EYA3: variants seen among roughly 807,000 people sequenced by gnomAD.
EYA3 encodes protein phosphatase EYA3.
EYA3 carries 39 observed loss-of-function variants against 80.0 expected under a neutral mutation model. The observed-to-expected ratio is 0.49, with a 90% CI of 0.38 to 0.64. The LOEUF is 0.64. EYA3 is among the 30% of genes least tolerant of loss of function. The pLI is 0.00. For synonymous variants in EYA3, 206 were observed against 232.8 expected (o/e 0.88, Z 1.05); for missense variants, 523 against 676.1 (o/e 0.77, Z 2.51).
At chr1:28,041,308 G>A (rs1643763386) in intron 4 of EYA3, among the ~76,000 whole-genome samples, 1 of 152,172 alleles carries the variant, frequency 6.6e-6, no homozygotes, top group South Asian at 2.1e-4. Context: ...AGGTTGCAGT[G>A]AGCGGAGATC....
chr1:28,058,341 T>C (rs1644503720), intron 1 of EYA3, among the ~76,000 whole-genome samples: 1 of 152,228 alleles, frequency 6.6e-6, no homozygotes, highest in African/African-American at 2.4e-5. Flanking sequence ...CTGGTTACTA[T>C]GGTGCCTAAT....
intron 1 of EYA3, among the ~76,000 whole-genome samples, chr1:28,077,840 T>C (rs1645277932): frequency 6.6e-6 from 1 of 152,186 alleles, no homozygotes; most frequent in Non-Finnish European, 1.5e-5. Context: ...CCCTATGTCA[T>C]CAATTCTCTA....
At chr1:28,028,008 G>T in intron 6 of EYA3, 82 bp from the exon 7 acceptor site, 2 of 1,470,118 alleles carry the variant, frequency 1.4e-6, no homozygotes, top group Non-Finnish European at 1.9e-6. Flanking sequence ...TCAGCCAGTA[G>T]GTTTAAAATC....
intron 8 of EYA3, among the ~76,000 whole-genome samples, chr1:28,016,567 T>G (rs1352583460): frequency 1.5e-5 from 2 of 134,556 alleles, no homozygotes; most frequent in African/African-American, 2.8e-5. Context: ...ACCAGTATAA[T>G]AACCAGAATA....
At chr1:28,041,853 G>A (rs1001041918) in intron 4 of EYA3, among the ~76,000 whole-genome samples, 4 of 152,050 alleles carry the variant, frequency 2.6e-5, no homozygotes, top group Non-Finnish European at 5.9e-5. Context: ...TTTGGAAGGA[G>A]CAAGAATACT....
At chr1:28,053,863 G>A (rs915498575) in intron 2 of EYA3, among the ~76,000 whole-genome samples, 1 of 152,184 alleles carries the variant, frequency 6.6e-6, no homozygotes, top group Non-Finnish European at 1.5e-5. Context: ...ATTGTATTAA[G>A]CATCTCAAAT....
At chr1:28,033,861 T>C (rs189032090) in intron 6 of EYA3, among the ~76,000 whole-genome samples, 28 of 151,242 alleles carry the variant, frequency 1.9e-4, no homozygotes, top group Non-Finnish European at 3.1e-4. Context: ...GGTTTCACCA[T>C]GTTGGCTAGG....
intron 1 of EYA3, among the ~76,000 whole-genome samples, chr1:28,065,098 T>C (rs1451944919): frequency 6.6e-6 from 1 of 152,214 alleles, no homozygotes; most frequent in African/African-American, 2.4e-5. Flanking sequence ...CCACAGATGG[T>C]ACCCATATAG....
At chr1:28,040,287 C>G (rs540219967) in intron 4 of EYA3, among the ~76,000 whole-genome samples, 1 of 152,192 alleles carries the variant, frequency 6.6e-6, no homozygotes, top group East Asian at 1.9e-4. Context: ...AACAACTAGA[C>G]GGAGAGTGAT....
At chr1:27,988,703 T>C in intron 15 of EYA3, 47 bp from the exon 16 acceptor site, 1 of 1,598,328 alleles carries the variant, frequency 6.3e-7, no homozygotes, top group Non-Finnish European at 8.5e-7. Flanking sequence ...TAAACCAACC[T>C]GGGAGCAAGA....
intron 11 of EYA3, among the ~76,000 whole-genome samples, chr1:28,003,139 A>G (rs1641006067): frequency 6.7e-6 from 1 of 150,302 alleles, no homozygotes; most frequent in Non-Finnish European, 1.5e-5. Context: ...GCGTGGTGGC[A>G]GGCGCCTGTA....
At chr1:28,010,608 C>T (rs1046339013) in intron 10 of EYA3, among the ~76,000 whole-genome samples, 3 of 151,992 alleles carry the variant, frequency 2.0e-5, no homozygotes, top group Admixed American at 1.3e-4. Context: ...TGGTCTCAAG[C>T]GATCCTCCCG....
chr1:28,010,946 C>G lies in EYA3; in HGVS notation c.909+1G>C. ...GTAACTAAATCAGTTTCTTCTCATA[C>G]TTCTAATTCACTGTCTTGGGAAGAA... is the stretch of plus-strand genomic sequence containing the variant. On this transcript the variant is annotated splice_donor_variant, in intron 10 of 17. Transcript: ENST00000373871. LOFTEE classifies it high-confidence loss of function. 6.2e-7 allele frequency: 1 copy of G among 1,611,716 alleles called. No homozygotes were observed. The highest frequency in any genetic ancestry group is 8.5e-7 in the Non-Finnish European group (1 of 1,179,254).
At chr1:28,079,147 T>C (rs1234042688) in intron 1 of EYA3, among the ~76,000 whole-genome samples, 2 of 152,210 alleles carry the variant, frequency 1.3e-5, no homozygotes, top group Non-Finnish European at 1.5e-5. Flanking sequence ...GCCTGGCACA[T>C]AGTAAGTGCT....
intron 5 of EYA3, among the ~76,000 whole-genome samples, chr1:28,038,292 G>T (rs754372518): frequency 7.2e-5 from 11 of 151,978 alleles, no homozygotes; most frequent in African/African-American, 2.4e-4. Flanking sequence ...ACAAAAATTA[G>T]CTGGGCGTGG....
intron 6 of EYA3, among the ~76,000 whole-genome samples, chr1:28,028,490 G>GAA (rs1032193699): frequency 1.3e-5 from 2 of 149,668 alleles, no homozygotes; most frequent in African/African-American, 4.9e-5. Context: ...ACATAATTTA[G>GAA]AAAAAAAATA....
chr1:27,997,453 G>T (rs1397827201), intron 12 of EYA3, 75 bp from the exon 13 acceptor site: 1 of 1,270,162 alleles, frequency 7.9e-7, no homozygotes, highest in Non-Finnish European at 1.2e-6. Context: ...ACTATAAAAA[G>T]ACCATATACA....
rs149347571 is a variant in EYA3 at position 28,081,434 on chromosome 1, G to A, written c.-69+7090C>T. Among the ~76,000 whole-genome samples, 1,046 of 152,110 alleles carry A rather than the reference G, an allele frequency of 6.9e-3. 5 individuals carry two copies. The highest frequency in any genetic ancestry group is 0.01 in the Non-Finnish European group (713 of 67,998). ...ATTATCACAGATGTTTCCTAAATTT[G>A]ACATTTTTAAATTTAAAAGAGAAAA... On this transcript the variant is annotated intron_variant, in intron 1 of 17. Coordinates refer to ENST00000373871, the MANE Select transcript of EYA3 (RefSeq NM_001990.4).
intron 7 of EYA3, among the ~76,000 whole-genome samples, chr1:28,023,845 G>A (rs1284510225): frequency 1.3e-5 from 2 of 152,162 alleles, no homozygotes; most frequent in Non-Finnish European, 2.9e-5. Context: ...ATATACTAAC[G>A]TAAGATGTTA....
Sources: gnomAD v4.1 joint callset for allele counts (sites outside exome capture counted in the v4.1 genomes callset) on GRCh38, gnomAD v4.1.1 for gene constraint, MANE v1.5 for transcripts, NCBI Gene and HGNC (gene_info 2026-07-23, HGNC 2026-07-21) for gene names.